Variants in ALS2CL observed in about 807,000 individuals in gnomAD.
ALS2CL encodes ALS2 C-terminal-like protein.
In ALS2CL, 112 loss-of-function variants were observed where a neutral mutation model predicts 127.9. The ratio of observed to expected loss-of-function variants is 0.88; its 90% confidence interval spans 0.75 to 1.02. ALS2CL has a LOEUF of 1.02. Ranked by LOEUF, ALS2CL falls within the 50% of genes least tolerant of loss-of-function variation. The pLI, the probability that ALS2CL is intolerant of heterozygous loss-of-function variation, is 0.00. For synonymous variants in ALS2CL, 519 were observed against 527.6 expected, an observed-to-expected ratio of 0.98 and a Z score of 0.22; for missense variants, 1,174 against 1,236.7, an observed-to-expected ratio of 0.95 and a Z score of 0.76.
chr3:46,681,377 G>A lies in ALS2CL; in HGVS notation c.1305C>T (p.Tyr435=), dbSNP rs771189294. 6 of 1,607,978 alleles carry A rather than the reference G, an allele frequency of 3.7e-6. No individual in the cohort carries two copies. Among genetic ancestry groups the A allele is most frequent in the African/African-American group, 2.7e-5 (2 of 74,786 alleles). Residue 435 remains tyrosine (Y), a synonymous_variant, in exon 13 of 26, where the codon TAC becomes TAT. Coordinates refer to ENST00000318962, the MANE Select transcript of ALS2CL (RefSeq NM_147129.5). The surrounding 1 kb of genome is among the most constrained non-coding windows in gnomAD (Gnocchi z 4.9). ...EYSTDEVYKG[Y]FQEGLRHGFG... ...ATCCGTGCCGCAGGCCCTCCTGGAAGTAGCCCTTGTACACCTCGTCGGTGC... is the reference window on the plus strand; with the variant it reads ...ATCCGTGCCGCAGGCCCTCCTGGAAATAGCCCTTGTACACCTCGTCGGTGC...
intron 10 of ALS2CL, among the ~76,000 whole-genome samples, chr3:46,682,523 G>A (rs1008286308): frequency 6.6e-6 from 1 of 152,192 alleles, no homozygotes; most frequent in African/African-American, 2.4e-5. Context: ...TCAGAAACTA[G>A]CGGAGGTGCT....
At chr3:46,676,125 T>C in intron 19 of ALS2CL, 120 bp downstream of exon 19, 1 of 1,472,126 alleles carries the variant, frequency 6.8e-7, no homozygotes, top group Non-Finnish European at 9.1e-7. Context: ...TGACCAAGCC[T>C]CTGGTTCATT....
intron 9 of ALS2CL, 31 bp downstream of exon 9, chr3:46,683,751 C>T (rs1203386856): frequency 6.2e-7 from 1 of 1,612,060 alleles, no homozygotes; most frequent in South Asian, 1.1e-5. Context: ...TCTGACCCCG[C>T]TCCCGCAGTT....
chr3:46,679,051 C>G (rs984087517), intron 15 of ALS2CL, among the ~76,000 whole-genome samples, 159 bp downstream of exon 15: 4 of 152,158 alleles, frequency 2.6e-5, no homozygotes, highest in African/African-American at 9.7e-5. Context: ...TCAATCGCAA[C>G]TCTGTGGCAG....
Position 46,686,338 on chromosome 3 carries a change from A to G in ALS2CL, c.636T>C (p.Ala212=). The G allele has an allele frequency of 6.2e-7, 1 of 1,613,052 alleles. No homozygotes were observed. Among genetic ancestry groups the G allele is most frequent in the Non-Finnish European group, 8.5e-7 (1 of 1,179,624 alleles). The change falls in exon 6 of 26, where the codon GCT becomes GCC. Residue 212 remains alanine (A), a synonymous_variant. Coordinates refer to ENST00000318962, the MANE Select transcript of ALS2CL (RefSeq NM_147129.5). The surrounding 1 kb of genome is among the most constrained non-coding windows in gnomAD (Gnocchi z 4.3). The stretch of plus-strand genomic sequence containing the variant: ...GCCGGCCTCTCAGGGTGTGCCAGAG[A>G]GCCTGTGTGGCCACAGCCTGGTCCA... The part of the protein sequence containing the change: ...QELDQAVATQ[A]LWHTLRGRLR...
chr3:46,678,677 C>G (rs1420628325), intron 15 of ALS2CL, among the ~76,000 whole-genome samples: 1 of 152,210 alleles, frequency 6.6e-6, no homozygotes, highest in Non-Finnish European at 1.5e-5. Flanking sequence ...GAGACCACCA[C>G]TGAGGGGCTG....
At chr3:46,677,224 A>G in intron 16 of ALS2CL, 1 of 1,411,530 alleles carries the variant, frequency 7.1e-7, no homozygotes, top group Admixed American at 3.1e-5. Flanking sequence ...GGGACAGAGA[A>G]TCTACCCTGC....
rs762782948 is a variant in ALS2CL, at chr3:46,676,237, G to C, written c.2186+8C>G. On this transcript the variant is annotated splice_region_variant and intron_variant, in intron 19 of 25. Transcript: ENST00000318962. ...GGCAGTAGCTGTCCCGTTTGCCACC[G>C]AGCCCACCTGTAGGCAGCCCAGAGT... The C allele has an allele frequency of 6.8e-6, 11 of 1,611,022 alleles. No individual in the cohort carries two copies. In the South Asian group the frequency reaches 1.2e-4, roughly 18 times the overall value.
Position 46,693,088 on chromosome 3 carries a change from A to G in ALS2CL, c.-26+555T>C, listed in dbSNP as rs118141941. 2.8e-3 allele frequency among the ~76,000 whole-genome samples: 423 copies of G among 152,118 alleles called. 13 individuals carry two copies. The East Asian group carries it at 0.066, about 24-fold the overall frequency. On this transcript the variant is annotated intron_variant, in intron 1 of 25. Transcript: ENST00000318962. ...CTGTCACACCTGATCCCTCAGTCTC[A>G]TGCTCGCCTCTCCCCGCTGCACCCT...
At chr3:46,689,220 C>A in intron 2 of ALS2CL, 118 bp downstream of exon 2, 1 of 1,038,850 alleles carries the variant, frequency 9.6e-7, no homozygotes, top group Non-Finnish European at 1.5e-6. Context: ...TACCAGGTGT[C>A]ACCACTCCTA....
In ALS2CL at chr3:46,681,196, G is replaced by A. The variant is rs543371185; in HGVS notation, c.1436+50C>T. 4.3e-6 allele frequency: 7 copies of A among 1,612,424 alleles called. No homozygotes were observed. The East Asian group carries it at 1.6e-4, about 36-fold the overall frequency. ...TGTCCTGCAACAATCTGGTCTGTGA[G>A]GGCCCGGTCCACCCCTCCGTCCTGG... On this transcript the variant is annotated intron_variant, in intron 13 of 25. Coordinates refer to ENST00000318962, the MANE Select transcript of ALS2CL (RefSeq NM_147129.5). The surrounding 1 kb of genome is among the most constrained non-coding windows in gnomAD (Gnocchi z 4.9).
In ALS2CL at chr3:46,681,680, C is replaced by G. The variant is rs1575431625; in HGVS notation, c.1176-82G>C. 2.1e-6 allele frequency: 3 copies of G among 1,400,972 alleles called. No individual in the cohort carries two copies. In the East Asian group the frequency reaches 6.9e-5, roughly 32 times the overall value. The allele number at this position is 1,400,972 out of a possible 1,614,324, so 86.8% of individuals were successfully genotyped here. The stretch of plus-strand genomic sequence containing the variant: ...CTACTCCATGCCACCCAGGAGTATC[C>G]CTGCCCCCAAGGAGCCTTCCAGACA... On this transcript the variant is annotated intron_variant, in intron 11 of 25. Coordinates refer to ENST00000318962, the MANE Select transcript of ALS2CL (RefSeq NM_147129.5). This position sits in a 1 kb window ranked among gnomAD's most constrained non-coding sequence, Gnocchi z 4.9.
intron 4 of ALS2CL, 64 bp from the exon 5 acceptor site, chr3:46,687,212 A>G: frequency 4.9e-6 from 7 of 1,438,274 alleles, no homozygotes; most frequent in Non-Finnish European, 6.4e-6. Flanking sequence ...CCACACCGCC[A>G]CCTCCCTGCC....
chr3:46,675,642 T>C lies in ALS2CL; in HGVS notation c.2231A>G (p.Glu744Gly). ...CCTTGTCTCTGTGTCTTCATCCTCC[T>C]CCAGGGCCTGGCCCTTGCGCTCTAA... ...VALERKGQAL[E>G]EDEDTETRDL... The change falls in exon 20 of 26, where the codon GAG becomes GGG. Residue 744 changes from glutamate (E) to glycine (G), a missense_variant. By Grantham distance (98) the Glu-to-Gly change is moderately conservative. Coordinates refer to ENST00000318962, the MANE Select transcript of ALS2CL (RefSeq NM_147129.5). 6.2e-7 allele frequency: 1 copy of C among 1,613,800 alleles called. No homozygotes were observed. The highest frequency in any genetic ancestry group is 1.1e-5 in the South Asian group (1 of 91,076).
At position 46,681,191 on chromosome 3, in the gene ALS2CL, T is replaced by C; in HGVS notation, c.1436+55A>G. 1 of 1,611,316 alleles carries C rather than the reference T, an allele frequency of 6.2e-7. No homozygotes were observed. The highest frequency in any genetic ancestry group is 8.5e-7 in the Non-Finnish European group (1 of 1,178,134). ...GCCTGTGTCCTGCAACAATCTGGTC[T>C]GTGAGGGCCCGGTCCACCCCTCCGT... On this transcript the variant is annotated intron_variant, in intron 13 of 25. Transcript: ENST00000318962. This position sits in a 1 kb window ranked among gnomAD's most constrained non-coding sequence, Gnocchi z 4.9.
chr3:46,675,408 G>A (rs1698732610), intron 20 of ALS2CL: 1 of 570,900 alleles, frequency 1.8e-6, no homozygotes, highest in South Asian at 2.2e-5. Flanking sequence ...TGCATTCAAT[G>A]CATTGTAGCA....
intron 7 of ALS2CL, among the ~76,000 whole-genome samples, chr3:46,685,234 T>A (rs527804997): frequency 6.6e-6 from 1 of 152,312 alleles, no homozygotes; most frequent in East Asian, 1.9e-4. Flanking sequence ...TCACTCACAA[T>A]GACCCCCACA....
At chr3:46,682,209 C>G in intron 10 of ALS2CL, 115 bp from the exon 11 acceptor site, 2 of 1,083,862 alleles carry the variant, frequency 1.8e-6, no homozygotes, top group Non-Finnish European at 1.4e-6. Flanking sequence ...CTCCCTGCAC[C>G]CACCCAGCCC....
intron 1 of ALS2CL, among the ~76,000 whole-genome samples, chr3:46,692,362 C>G (rs2106757779): frequency 6.6e-6 from 1 of 152,222 alleles, no homozygotes; most frequent in African/African-American, 2.4e-5. Flanking sequence ...CTCCCCAACC[C>G]CTGTCCCATC....
Sources: allele counts gnomAD v4.1 joint callset (sites outside exome capture counted in the v4.1 genomes callset), GRCh38; gene constraint gnomAD v4.1.1; non-coding constraint Gnocchi (gnomAD v3.1); transcripts MANE v1.5; gene names NCBI Gene and HGNC (gene_info 2026-07-23, HGNC 2026-07-21).